The following PLAAT1 variants were observed in gnomAD, a reference collection of about 807,000 sequenced individuals.
PLAAT1 encodes the protein H-REV107 protein-related protein.
Under a neutral mutation model 16.4 loss-of-function variants are expected in PLAAT1, and 13 were observed. The observed-to-expected ratio is 0.79, with a 90% confidence interval of 0.52 to 1.26. PLAAT1 has a LOEUF of 1.26. Ranked by LOEUF, PLAAT1 falls within the 50% of genes most tolerant of loss-of-function variation. PLAAT1 has a pLI of 0.00. For synonymous variants in PLAAT1, 73 were observed against 78.4 expected, an observed-to-expected ratio of 0.93 and a Z score of 0.36; for missense variants, 218 against 207.8, an observed-to-expected ratio of 1.05 and a Z score of -0.30.
At chr3:193,272,552 G>T (rs950887978), downstream of PLAAT1, among the ~76,000 whole-genome samples, 1 of 152,184 alleles carries the variant, frequency 6.6e-6, no homozygotes, top group Admixed American at 6.5e-5. Context: ...ACCCTTTTCA[G>T]TAAAGGATGC....
At chr3:193,261,434 G>A (rs1716580820) in intron 2 of PLAAT1, among the ~76,000 whole-genome samples, 1 of 151,846 alleles carries the variant, frequency 6.6e-6, no homozygotes, top group African/African-American at 2.4e-5. Flanking sequence ...TATGTTTAAA[G>A]AGAAGTATTT....
intron 2 of PLAAT1, chr3:193,276,733 T>C (rs1416144821): frequency 5.2e-6 from 8 of 1,547,044 alleles, no homozygotes; most frequent in Admixed American, 1.8e-5. Context: ...CTAGAAAAAA[T>C]ATAGAGATTA....
At chr3:193,255,512 A>G in intron 1 of PLAAT1, 139 bp from the exon 2 acceptor site, 1 of 766,788 alleles carries the variant, frequency 1.3e-6, no homozygotes, top group Non-Finnish European at 2.0e-6. Flanking sequence ...AAAGAAAAGG[A>G]CAGGGTCGTG....
chr3:193,280,356 T>TACCACTGG (rs1717431525), downstream of PLAAT1, among the ~76,000 whole-genome samples: 1 of 152,130 alleles, frequency 6.6e-6, no homozygotes, highest in South Asian at 2.1e-4. Flanking sequence ...TGGCCTCCAA[T>TACCACTGG]TTTTCTTAAA....
chr3:193,276,348 A>G (rs1414874399), intron 2 of PLAAT1, among the ~76,000 whole-genome samples: 1 of 152,220 alleles, frequency 6.6e-6, no homozygotes, highest in African/African-American at 2.4e-5. Flanking sequence ...AGAATAAGCA[A>G]CGGCTTCTCC....
At chr3:193,240,656 T>C (rs1162718795), upstream of PLAAT1, among the ~76,000 whole-genome samples, 1 of 136,202 alleles carries the variant, frequency 7.3e-6, no homozygotes, top group African/African-American at 2.9e-5. Context: ...CTATCTGGCG[T>C]GTGTGTGTGT....
At chr3:193,240,683 G>GTA (rs1235078309), upstream of PLAAT1, among the ~76,000 whole-genome samples, 1 of 150,308 alleles carries the variant, frequency 6.7e-6, no homozygotes, top group Non-Finnish European at 1.5e-5. Flanking sequence ...GTGTGTGTGT[G>GTA]TGGTTGGAGG....
intron 1 of PLAAT1, among the ~76,000 whole-genome samples, chr3:193,252,077 G>A (rs144079708): frequency 1.3e-5 from 2 of 152,262 alleles, no homozygotes; most frequent in East Asian, 3.9e-4. Context: ...GCTCCATAGG[G>A]CGTACAGGAT....
At chr3:193,269,795 G>C (rs966124693) in intron 3 of PLAAT1, among the ~76,000 whole-genome samples, 1 of 152,102 alleles carries the variant, frequency 6.6e-6, no homozygotes, top group Admixed American at 6.5e-5. Context: ...AATATTAGTT[G>C]AGTGCCAAGA....
At chr3:193,253,809 A>G (rs1221348014) in intron 1 of PLAAT1, among the ~76,000 whole-genome samples, 5 of 152,162 alleles carry the variant, frequency 3.3e-5, no homozygotes, top group African/African-American at 9.7e-5. Context: ...CTTTTTATCT[A>G]TAAAGTGGGA....
intron 2 of PLAAT1, among the ~76,000 whole-genome samples, chr3:193,262,059 C>T (rs944220218): frequency 2.0e-5 from 3 of 152,174 alleles, no homozygotes; most frequent in African/African-American, 7.2e-5. Flanking sequence ...TCATGATTGA[C>T]CTGAACATGG....
chr3:193,247,455 G>C (rs1390906990), intron 1 of PLAAT1, among the ~76,000 whole-genome samples: 1 of 152,124 alleles, frequency 6.6e-6, no homozygotes, highest in Non-Finnish European at 1.5e-5. Context: ...CAGCTCTGAG[G>C]GGGCAATGAC....
At chr3:193,276,966 T>G in intron 2 of PLAAT1, 1 of 663,658 alleles carries the variant, frequency 1.5e-6, no homozygotes, top group Non-Finnish European at 2.5e-6. Flanking sequence ...CCTTTACAGA[T>G]AATACAACTG....
downstream of PLAAT1, among the ~76,000 whole-genome samples, chr3:193,280,387 TCTTCAAAGAGTAATACTCCCTTAC>T (rs1426897358): frequency 6.6e-6 from 1 of 152,146 alleles, no homozygotes; most frequent in Non-Finnish European, 1.5e-5. Flanking sequence ...TACCACTTCC[TCTTCAAAGAGTAATACTCCCTTAC>T]AAAAGCTTAT....
At chr3:193,269,849 A>G (rs1169507945) in intron 3 of PLAAT1, among the ~76,000 whole-genome samples, 1 of 152,190 alleles carries the variant, frequency 6.6e-6, no homozygotes, top group Non-Finnish European at 1.5e-5. Context: ...ATGATGATTA[A>G]TACCCTTAAA....
intron 1 of PLAAT1, among the ~76,000 whole-genome samples, chr3:193,250,781 G>T (rs1255716901): frequency 6.6e-6 from 1 of 152,162 alleles, no homozygotes; most frequent in Non-Finnish European, 1.5e-5. Context: ...AGGGGAAGGT[G>T]CAAGGAGTGC....
downstream of PLAAT1, among the ~76,000 whole-genome samples, chr3:193,271,476 A>G (rs1716979760): frequency 6.6e-6 from 1 of 152,238 alleles, no homozygotes; most frequent in Non-Finnish European, 1.5e-5. Flanking sequence ...CATATTTTTA[A>G]GACTTTTTTA....
At chr3:193,256,747 T>G (rs1226274041) in intron 2 of PLAAT1, among the ~76,000 whole-genome samples, 1 of 152,188 alleles carries the variant, frequency 6.6e-6, no homozygotes, top group Non-Finnish European at 1.5e-5. Flanking sequence ...CCTGTAATTG[T>G]ACTTCTAGGA....
chr3:193,262,771 TC>T (rs1314268395), intron 2 of PLAAT1, among the ~76,000 whole-genome samples, 198 bp from the exon 3 acceptor site: 1 of 152,208 alleles, frequency 6.6e-6, no homozygotes, highest in Non-Finnish European at 1.5e-5. Context: ...TCTTATATTC[TC>T]ACTCATACAA....
Sources: allele counts gnomAD v4.1 joint callset (sites outside exome capture counted in the v4.1 genomes callset), GRCh38; gene constraint gnomAD v4.1.1; transcripts MANE v1.5; gene names NCBI Gene and HGNC (gene_info 2026-07-23, HGNC 2026-07-21).